Variants in ARHGAP23 observed in about 807,000 individuals in gnomAD.
ARHGAP23 encodes rho GTPase-activating protein 23.
In ARHGAP23, 34 loss-of-function variants were observed where a neutral mutation model predicts 136.3. That is an observed-to-expected ratio of 0.25 (90% CI 0.19 to 0.33). The LOEUF is 0.33. Ranked by LOEUF, ARHGAP23 falls within the 10% of genes least tolerant of loss-of-function variation. ARHGAP23 has a pLI of 1.00. For synonymous variants in ARHGAP23, 832 were observed against 920.5 expected, an observed-to-expected ratio of 0.90 and a Z score of 1.74; for missense variants, 1,808 against 2,139.0, an observed-to-expected ratio of 0.85 and a Z score of 3.05.
rs370007777 is a variant in ARHGAP23 at position 38,491,456 on chromosome 17, C to A, written c.3200C>A (p.Thr1067Lys). The A allele has an allele frequency of 3.2e-6, 5 of 1,549,534 alleles. No individual in the cohort carries two copies. Among genetic ancestry groups the A allele is most frequent in the African/African-American group, 1.4e-5 (1 of 72,968 alleles). ...ALVFGPTLVR[T>K]SEDNMTDMVT... ...GTCTTTGGGCCGACACTGGTGAGGA[C>A]GTCTGAGGACAACATGACAGACATG... Residue 1067 changes from threonine (T) to lysine (K), a missense_variant, in exon 20 of 24, where the codon ACG becomes AAG. Physicochemically the swap from Thr to Lys is moderately conservative, Grantham distance 78. Coordinates refer to ENST00000622683, the MANE Select transcript of ARHGAP23 (RefSeq NM_001199417.2).
At chr17:38,446,045 G>T (rs1180305488) in intron 1 of ARHGAP23, among the ~76,000 whole-genome samples, 3 of 148,034 alleles carry the variant, frequency 2.0e-5, no homozygotes, top group Non-Finnish European at 4.4e-5. Context: ...TTGAGACAAG[G>T]TCTGGCTCCC....
chr17:38,487,059 A>G (rs1762837217), intron 17 of ARHGAP23, among the ~76,000 whole-genome samples: 2 of 152,282 alleles, frequency 1.3e-5, no homozygotes, highest in African/African-American at 2.4e-5. Flanking sequence ...TACTCCTACC[A>G]TGGTTTATTT....
intron 23 of ARHGAP23, among the ~76,000 whole-genome samples, chr17:38,506,677 G>C (rs546861528): frequency 1.3e-5 from 2 of 152,272 alleles, no homozygotes; most frequent in South Asian, 4.2e-4. Context: ...AAGCCCTCTG[G>C]TGTCCCTTCT....
rs1207381448 is a variant in ARHGAP23 at position 38,466,550 on chromosome 17, A to T, written c.867A>T (p.Ser289=). 5 of 1,477,814 alleles carry T rather than the reference A, an allele frequency of 3.4e-6. No individual in the cohort carries two copies. Among genetic ancestry groups the T allele is most frequent in the Admixed American group, 2.4e-5 (1 of 41,384 alleles). 91.5% of individuals were successfully genotyped at this position (1,477,814 alleles called of 1,614,324 possible). ...PSRLECQQAL[S]HWLSNQVPRR... is the part of the protein sequence containing the mutation. ...GACTGGAGTGCCAGCAGGCCTTGTC[A>T]CACTGGCTGTCAAACCAGGTACCCC... is the stretch of plus-strand genomic sequence containing the variant. The change falls in exon 7 of 24, where the codon TCA becomes TCT. Residue 289 remains serine, a synonymous_variant. Coordinates refer to ENST00000622683, the MANE Select transcript of ARHGAP23 (RefSeq NM_001199417.2).
chr17:38,433,328 G>A (rs985319433), intron 1 of ARHGAP23, among the ~76,000 whole-genome samples: 1 of 152,176 alleles, frequency 6.6e-6, no homozygotes, highest in Admixed American at 6.5e-5. Context: ...TATTGGTAAA[G>A]TGGCTGAGAT....
intron 16 of ARHGAP23, among the ~76,000 whole-genome samples, chr17:38,483,710 A>G (rs1206349636): frequency 6.6e-6 from 1 of 152,238 alleles, no homozygotes; most frequent in African/African-American, 2.4e-5. Context: ...GGACAAGAGA[A>G]AAAGATGATC....
intron 1 of ARHGAP23, among the ~76,000 whole-genome samples, chr17:38,420,370 T>G (rs1355843451): frequency 1.3e-5 from 2 of 152,176 alleles, no homozygotes; most frequent in Non-Finnish European, 1.5e-5. Flanking sequence ...GGTTTTCTAT[T>G]TGGGACACAC....
At chr17:38,428,052 C>T (rs939990630), upstream of ARHGAP23, among the ~76,000 whole-genome samples, 1 of 152,196 alleles carries the variant, frequency 6.6e-6, no homozygotes, top group Admixed American at 6.5e-5. Flanking sequence ...ATCTCTGTTT[C>T]TGACCATCTC....
intron 11 of ARHGAP23, among the ~76,000 whole-genome samples, chr17:38,473,278 A>G (rs867274577): frequency 7.3e-5 from 11 of 151,054 alleles, no homozygotes; most frequent in African/African-American, 2.7e-4. Flanking sequence ...TGAATTTTCT[A>G]CCCTGCCTTC....
In ARHGAP23 at chr17:38,500,579, T is replaced by C. The variant is rs1271883688; in HGVS notation, c.3416-18T>C. On this transcript the variant is annotated intron_variant, in intron 22 of 23. Transcript: ENST00000622683. ...TCCTGATGCAACTTTCATTTTTTTT[T>C]CTGTCTTTCACCAACAGATTCTACC... 8 of 1,548,842 alleles carry C rather than the reference T, an allele frequency of 5.2e-6. No individual in the cohort carries two copies. The highest frequency in any genetic ancestry group is 7.0e-6 in the Non-Finnish European group (8 of 1,146,350).
intron 22 of ARHGAP23, 62 bp downstream of exon 22, chr17:38,498,572 C>T: frequency 7.4e-7 from 1 of 1,355,100 alleles, no homozygotes; most frequent in Non-Finnish European, 9.9e-7. Flanking sequence ...CTGAGGGTCC[C>T]AGGTGCCTGG....
intron 23 of ARHGAP23, among the ~76,000 whole-genome samples, chr17:38,503,585 C>T (rs1404398686): frequency 1.3e-5 from 2 of 152,184 alleles, no homozygotes; most frequent in African/African-American, 4.8e-5. Context: ...CTTCCTGTGA[C>T]CCCACCGTGT....
intron 6 of ARHGAP23, among the ~76,000 whole-genome samples, chr17:38,465,932 A>G (rs58978444): frequency 0.14 from 21,481 of 151,806 alleles, 2,729 homozygotes; most frequent in African/African-American, 0.34. Context: ...AGTCTTAGCG[A>G]AATCCCACTT....
chr17:38,427,493 G>A (rs1227427908), upstream of ARHGAP23, among the ~76,000 whole-genome samples: 3 of 152,150 alleles, frequency 2.0e-5, no homozygotes, highest in Non-Finnish European at 4.4e-5. Context: ...AAGACAGAAG[G>A]ACTGTCCCTC....
intron 19 of ARHGAP23, among the ~76,000 whole-genome samples, chr17:38,490,780 GC>G (rs1285781199): frequency 6.6e-6 from 1 of 152,184 alleles, no homozygotes; most frequent in Non-Finnish European, 1.5e-5. Flanking sequence ...GGGAACCCCG[GC>G]CCCCCGTATC....
Position 38,460,906 on chromosome 17 carries a change from A to T in ARHGAP23, c.227A>T (p.Glu76Val), listed in dbSNP as rs1331847610. The change falls in exon 3 of 24, where the codon GAG (glutamate) becomes GTG (valine). Residue 76 changes from glutamate (E) to valine (V), a missense_variant and splice_region_variant. Transcript: ENST00000622683. The part of the protein sequence containing the change: ...PESAVHCSLK[E>V]EENGGRGGGP... The stretch of plus-strand genomic sequence containing the variant: ...CACCCACTCCTCTGTTCCCTGCAGG[A>T]GGAAGAGAATGGAGGCCGTGGAGGA... 3.3e-6 allele frequency: 5 copies of T among 1,535,864 alleles called. No individual in the cohort carries two copies. The highest frequency in any genetic ancestry group is 4.4e-6 in the Non-Finnish European group (5 of 1,146,852).
chr17:38,510,261 C>T lies in ARHGAP23; in HGVS notation c.3765C>T (p.Thr1255=), dbSNP rs1406345540. Residue 1255 remains threonine (T), a synonymous_variant, in exon 24 of 24, where the codon ACC becomes ACT. Transcript: ENST00000622683. This position sits in a 1 kb window ranked among gnomAD's most constrained non-coding sequence, Gnocchi z 4.6. ...SIVSGYSTLS[T]MDRSVCSGAS... ...TGTCGGGCTACTCCACCCTGTCCAC[C>T]ATGGACCGCAGCGTGTGCTCGGGCG... 2 of 1,316,380 alleles carry T rather than the reference C, an allele frequency of 1.5e-6. No individual in the cohort carries two copies. 81.5% of individuals were successfully genotyped at this position (1,316,380 alleles called of 1,614,324 possible). A position where few individuals can be genotyped will look rare whatever the true frequency, so the allele number is the denominator to read the frequency against.
intron 16 of ARHGAP23, among the ~76,000 whole-genome samples, chr17:38,483,908 CAG>C (rs1329258521): frequency 2.0e-5 from 3 of 152,226 alleles, no homozygotes; most frequent in Admixed American, 6.5e-5. Context: ...AGGGTTAGGA[CAG>C]AGAGTGGATC....
intron 1 of ARHGAP23, among the ~76,000 whole-genome samples, chr17:38,441,346 C>T (rs150635254): frequency 2.0e-5 from 3 of 152,314 alleles, no homozygotes; most frequent in Non-Finnish European, 4.4e-5. Context: ...ACATACTTGG[C>T]GTTTCTCATG....
Sources: allele counts gnomAD v4.1 joint callset (sites outside exome capture counted in the v4.1 genomes callset), GRCh38; gene constraint gnomAD v4.1.1; non-coding constraint Gnocchi (gnomAD v3.1); transcripts MANE v1.5; gene names NCBI Gene and HGNC (gene_info 2026-07-23, HGNC 2026-07-21).